Variants in TIAM1 observed in about 807,000 individuals in gnomAD.
TIAM1 encodes TIAM Rac1 associated GEF 1.
In TIAM1, 65 loss-of-function variants were observed where a neutral mutation model predicts 163.5. That is an observed-to-expected ratio of 0.40 (90% CI 0.33 to 0.49). The LOEUF (loss-of-function observed/expected upper bound fraction) is 0.49, where lower values mean the gene tolerates loss of function less well. TIAM1 is among the 20% of genes least tolerant of loss of function. The pLI, the probability that TIAM1 is intolerant of heterozygous loss-of-function variation, is 0.77. For synonymous variants in TIAM1, 833 were observed against 810.1 expected, an observed-to-expected ratio of 1.03 and a Z score of -0.48; for missense variants, 1,789 against 2,044.7, an observed-to-expected ratio of 0.87 and a Z score of 2.41.
rs139981307 is a variant in TIAM1 at position 31,138,548 on chromosome 21, C to G, written c.3775-2507G>C. ...GATCAGGAATTACTTTTGTGAAAAT[C>G]TGAATATAATTTGGGTACCTCCACA... is the stretch of plus-strand genomic sequence containing the variant. On this transcript the variant is annotated intron_variant, in intron 22 of 27. Transcript: ENST00000541036. Among the ~76,000 whole-genome samples, 859 of 152,308 alleles carry G rather than the reference C, an allele frequency of 5.6e-3. 7 individuals carry two copies. Among genetic ancestry groups the G allele is most frequent in the African/African-American group, 0.019 (808 of 41,576 alleles).
chr21:31,217,765 G>A, intron 8 of TIAM1, 66 bp from the exon 9 acceptor site: 1 of 1,550,980 alleles, frequency 6.4e-7, no homozygotes, highest in Non-Finnish European at 8.7e-7. Flanking sequence ...GTGCCTTGAG[G>A]TCCCCGTAAG....
At chr21:31,547,817 C>A (rs1305964293) in intron 1 of TIAM1, among the ~76,000 whole-genome samples, 7 of 152,096 alleles carry the variant, frequency 4.6e-5, no homozygotes, top group Non-Finnish European at 8.8e-5. Flanking sequence ...AATCACCCAG[C>A]AATATATTAA....
At chr21:31,392,926 A>G (rs2076992306) in intron 2 of TIAM1, among the ~76,000 whole-genome samples, 2 of 150,904 alleles carry the variant, frequency 1.3e-5, no homozygotes, top group Admixed American at 1.3e-4. Context: ...TGCCTTGCTT[A>G]TACAGAACCG....
intron 19 of TIAM1, among the ~76,000 whole-genome samples, chr21:31,150,831 T>C (rs961757602): frequency 1.3e-5 from 2 of 152,192 alleles, no homozygotes; most frequent in African/African-American, 4.8e-5. Context: ...TTACAAATCA[T>C]GTATCTGATA....
chr21:31,353,507 A>C (rs2076267133), intron 2 of TIAM1, among the ~76,000 whole-genome samples: 1 of 152,166 alleles, frequency 6.6e-6, no homozygotes, highest in Non-Finnish European at 1.5e-5. Flanking sequence ...AGTTGCTGAC[A>C]TTTCCTGAGC....
chr21:31,369,502 AG>A (rs2076559185), intron 2 of TIAM1, among the ~76,000 whole-genome samples: 1 of 152,198 alleles, frequency 6.6e-6, no homozygotes, highest in South Asian at 2.1e-4. Context: ...ATACCACTAT[AG>A]GGTGACTACA....
chr21:31,487,399 C>T (rs1193477798), intron 1 of TIAM1, among the ~76,000 whole-genome samples: 1 of 152,190 alleles, frequency 6.6e-6, no homozygotes, highest in African/African-American at 2.4e-5. Flanking sequence ...GAGAAGGAGT[C>T]TCACTCTGTC....
At chr21:31,546,270 G>C (rs2123296268) in intron 1 of TIAM1, among the ~76,000 whole-genome samples, 1 of 151,750 alleles carries the variant, frequency 6.6e-6, no homozygotes, top group East Asian at 1.9e-4. Flanking sequence ...AGAAACCAGA[G>C]GCCAGGCTCA....
At chr21:31,345,093 G>A (rs965064263), upstream of TIAM1, among the ~76,000 whole-genome samples, 1 of 152,156 alleles carries the variant, frequency 6.6e-6, no homozygotes, top group African/African-American at 2.4e-5. Context: ...GATGCCTCAG[G>A]TGGCTGGTTA....
At chr21:31,417,441 G>GA (rs1298299769) in intron 2 of TIAM1, among the ~76,000 whole-genome samples, 1 of 152,080 alleles carries the variant, frequency 6.6e-6, no homozygotes, top group African/African-American at 2.4e-5. Flanking sequence ...CAGGCAAAAG[G>GA]AAAAAATGAG....
chr21:31,261,963 C>T (rs147349517), intron 4 of TIAM1, among the ~76,000 whole-genome samples: 22 of 152,134 alleles, frequency 1.4e-4, no homozygotes, highest in African/African-American at 4.6e-4. Context: ...ATGAAGCTCT[C>T]CTCACAAGCA....
chr21:31,482,610 T>TGGTGGGA lies in TIAM1; in HGVS notation c.-421-18582_-421-18576dup, dbSNP rs546528419. Among the ~76,000 whole-genome samples the TGGTGGGA allele has an allele frequency of 2.2e-3, 333 of 152,278 alleles. 2 individuals carry two copies. The highest frequency in any genetic ancestry group is 7.6e-3 in the African/African-American group (315 of 41,566). On this transcript the variant is annotated intron_variant, in intron 1 of 28. Transcript: ENST00000286827. ...TTTGTTTCTGTCTAGTGATGGCTTC[T>TGGTGGGA]GGTGGGAGGTGGGAGGAGAGAGCGC...
intron 10 of TIAM1, 143 bp from the exon 11 acceptor site, chr21:31,210,358 C>A (rs373050719): frequency 5.0e-6 from 4 of 799,914 alleles, no homozygotes; most frequent in Non-Finnish European, 5.9e-6. Flanking sequence ...CAGGGGAACC[C>A]TTGGAGAGAG....
intron 12 of TIAM1, among the ~76,000 whole-genome samples, chr21:31,202,073 A>G (rs553090359): frequency 1.3e-5 from 2 of 152,248 alleles, no homozygotes; most frequent in South Asian, 4.1e-4. Context: ...TCAAACTCAA[A>G]TATATGTAAA....
intron 2 of TIAM1, among the ~76,000 whole-genome samples, chr21:31,408,121 T>C (rs185775982): frequency 3.5e-4 from 53 of 152,358 alleles, no homozygotes; most frequent in Non-Finnish European, 2.9e-5. Flanking sequence ...ACATCAGTTC[T>C]GTTAAAAACC....
chr21:31,442,070 A>ATATATATATATATATATATATAT (rs2044441960), intron 2 of TIAM1, among the ~76,000 whole-genome samples: 6 of 53,226 alleles, frequency 1.1e-4, no homozygotes, highest in Admixed American at 2.2e-4. Flanking sequence ...CAAATAAATA[A>ATATATATATATATATATATATAT]ATATATATAT....
chr21:31,412,583 A>C (rs908609222), intron 2 of TIAM1, among the ~76,000 whole-genome samples: 2 of 151,966 alleles, frequency 1.3e-5, no homozygotes, highest in African/African-American at 4.8e-5. Flanking sequence ...GGAGTTCGAG[A>C]CCAACCTGGC....
At chr21:31,391,943 C>T (rs1345297869) in intron 2 of TIAM1, among the ~76,000 whole-genome samples, 7 of 152,158 alleles carry the variant, frequency 4.6e-5, no homozygotes, top group Non-Finnish European at 7.4e-5. Flanking sequence ...AGTACCCATA[C>T]GCCCATGCTG....
rs533189539 is a variant in TIAM1 at position 31,445,560 on chromosome 21, G to T, written c.-369+18423C>A. 8.2e-4 allele frequency among the ~76,000 whole-genome samples: 125 copies of T among 152,288 alleles called. 2 individuals are homozygous for T. The South Asian group carries it at 0.024, about 30-fold the overall frequency. On this transcript the variant is annotated intron_variant, in intron 2 of 28. Transcript: ENST00000286827. Reference sequence around the variant, plus strand: ...ATTAATAGGGACACAGCTCATTGGTGACTACATGGAATTCTATCACCCCAA... The same window carrying T: ...ATTAATAGGGACACAGCTCATTGGTTACTACATGGAATTCTATCACCCCAA...
Sources: gnomAD v4.1 joint callset for allele counts (sites outside exome capture counted in the v4.1 genomes callset) on GRCh38, gnomAD v4.1.1 for gene constraint, MANE v1.5 for transcripts, NCBI Gene and HGNC (gene_info 2026-07-23, HGNC 2026-07-21) for gene names.